Variants in ITGAE observed in about 807,000 individuals in gnomAD.
The protein encoded by ITGAE is integrin alpha-E.
In ITGAE, 99 loss-of-function variants were observed where a neutral mutation model predicts 136.5. The observed-to-expected ratio is 0.73, with a 90% CI of 0.62 to 0.86. ITGAE has a LOEUF of 0.86. ITGAE is among the 40% of genes least tolerant of loss of function. The pLI is 0.00. For synonymous variants in ITGAE, 613 were observed against 591.8 expected (o/e 1.04, Z -0.52); for missense variants, 1,447 against 1,515.3 (o/e 0.95, Z 0.75).
chr17:3,724,056 A>G, intron 26 of ITGAE: 1 of 1,597,190 alleles, frequency 6.3e-7, no homozygotes, highest in East Asian at 2.2e-5. Context: ...GCAGGACCGG[A>G]GGCGTTTCTT....
chr17:3,720,332 A>G lies in ITGAE; in HGVS notation c.3308T>C (p.Leu1103Pro), dbSNP rs1401494626. 1 of 1,582,938 alleles carries G rather than the reference A, an allele frequency of 6.3e-7. No individual in the cohort carries two copies. Among genetic ancestry groups the G allele is most frequent in the Admixed American group, 1.7e-5 (1 of 59,920 alleles). Residue 1103 changes from leucine to proline, a missense_variant, in exon 29 of 31, where the codon CTG becomes CCG. Transcript: ENST00000263087. ...CTTAGTTCTGTGGTTCTCTGCATTC[A>G]GTCCCTCATATAGAGATTTGTTGAA... Reference protein sequence around the residue: ...ISFNKSLYEGLNAENHRTKIT... With the variant: ...ISFNKSLYEGPNAENHRTKIT...
intron 29 of ITGAE, chr17:3,718,024 C>T (rs1354872825): frequency 6.6e-6 from 1 of 152,240 alleles, no homozygotes; most frequent in African/African-American, 2.4e-5. Flanking sequence ...CCACAGATTC[C>T]CAAAAGTGCC....
intron 7 of ITGAE, 104 bp from the exon 8 acceptor site, chr17:3,759,657 A>G: frequency 7.4e-7 from 1 of 1,351,168 alleles, no homozygotes; most frequent in East Asian, 2.3e-5. Flanking sequence ...CTTCTACCTT[A>G]TCCCTGGGCA....
chr17:3,723,220 A>C, intron 28 of ITGAE, 68 bp downstream of exon 28: 1 of 1,059,812 alleles, frequency 9.4e-7, no homozygotes, highest in Non-Finnish European at 1.5e-6. Flanking sequence ...AGATGCTATT[A>C]TCTCTTCTAG....
intron 30 of ITGAE, among the ~76,000 whole-genome samples, chr17:3,715,501 AG>A (rs1388472932): frequency 6.6e-6 from 1 of 152,180 alleles, no homozygotes; most frequent in Non-Finnish European, 1.5e-5. Context: ...ATTCCTGACA[AG>A]AAAAGCAGCC....
At chr17:3,722,195 AC>A (rs1219745048) in intron 28 of ITGAE, among the ~76,000 whole-genome samples, 1 of 147,544 alleles carries the variant, frequency 6.8e-6, no homozygotes, top group Admixed American at 6.8e-5. Flanking sequence ...AGAAAAGAAC[AC>A]CTAGGTCGGG....
intron 10 of ITGAE, 50 bp from the exon 11 acceptor site, chr17:3,755,947 G>C (rs779075935): frequency 6.5e-7 from 1 of 1,534,000 alleles, no homozygotes; most frequent in African/African-American, 1.4e-5. Context: ...GGTGAAGGGA[G>C]AAACTGAGTC....
At chr17:3,739,714 G>A (rs1950805641) in intron 20 of ITGAE, 91 bp downstream of exon 20, 1 of 1,042,720 alleles carries the variant, frequency 9.6e-7, no homozygotes. Flanking sequence ...AGAGGGGAAG[G>A]GGATGTGCAG....
intron 3 of ITGAE, 53 bp from the exon 4 acceptor site, chr17:3,762,035 A>T: frequency 6.6e-7 from 1 of 1,511,284 alleles, no homozygotes; most frequent in South Asian, 1.2e-5. Context: ...GGAGGCAGAG[A>T]CCCGAAGCCA....
rs1466614746 is a variant in ITGAE, at chr17:3,749,323, C to T, written c.2024+1029G>A. On this transcript the variant is annotated intron_variant, in intron 16 of 30. Coordinates refer to ENST00000263087, the MANE Select transcript of ITGAE (RefSeq NM_002208.5). ...AGGCTGGAGTGCAGTGGCGCGATCT[C>T]CGCTCACTGCAAGCTCCGCCTCCCG... Among the ~76,000 whole-genome samples the T allele has an allele frequency of 4.0e-5, 6 of 151,714 alleles. No individual in the cohort carries two copies. The East Asian group carries it at 1.2e-3, about 29-fold the overall frequency.
chr17:3,746,594 TACAGGCGCCCGCCACC>T (rs2051721119), intron 17 of ITGAE, among the ~76,000 whole-genome samples: 1 of 152,116 alleles, frequency 6.6e-6, no homozygotes, highest in South Asian at 2.1e-4. Flanking sequence ...TAGCTGGGAC[TACAGGCGCCCGCCACC>T]ACACCTGGCT....
chr17:3,715,632 G>C (rs28496695), intron 30 of ITGAE, among the ~76,000 whole-genome samples: 80,362 of 151,982 alleles, frequency 0.53, 22,137 homozygotes, highest in African/African-American at 0.64. Context: ...ATGAGAAGAT[G>C]GCTCGAGCCC....
chr17:3,744,166 C>T (rs1178560), intron 18 of ITGAE, among the ~76,000 whole-genome samples: 38,004 of 151,562 alleles, frequency 0.25, 7,636 homozygotes, highest in African/African-American at 0.55. Flanking sequence ...TATGAGCCAC[C>T]GCACCTTGCA....
intron 8 of ITGAE, 130 bp from the exon 9 acceptor site, chr17:3,757,989 G>C (rs2052071426): frequency 3.7e-6 from 4 of 1,089,904 alleles, no homozygotes; most frequent in Non-Finnish European, 5.3e-6. Flanking sequence ...CCCAGAGAAG[G>C]GGGTGATGCC....
chr17:3,741,797 C>A, intron 19 of ITGAE, among the ~76,000 whole-genome samples: 1 of 152,270 alleles, frequency 6.6e-6, no homozygotes, highest in South Asian at 2.1e-4. Flanking sequence ...CATAACCTGG[C>A]CAGGCATGGT....
intron 2 of ITGAE, among the ~76,000 whole-genome samples, chr17:3,767,931 C>T (rs538099665): frequency 7.9e-5 from 12 of 152,132 alleles, no homozygotes; most frequent in East Asian, 7.7e-4. Flanking sequence ...AGGAGGAGGC[C>T]GTGAGCCAAG....
intron 1 of ITGAE, among the ~76,000 whole-genome samples, chr17:3,800,118 A>AAAAAT (rs1276632558): frequency 2.6e-5 from 4 of 152,250 alleles, no homozygotes; most frequent in South Asian, 4.1e-4. Flanking sequence ...CTCTGTCTCA[A>AAAAAT]AAAATAAAAT....
At chr17:3,723,492 A>G in intron 27 of ITGAE, 109 bp from the exon 28 acceptor site, 4 of 995,360 alleles carry the variant, frequency 4.0e-6, no homozygotes, top group Non-Finnish European at 6.3e-6. Flanking sequence ...AGAGGGTGTG[A>G]GCAATTTCAG....
chr17:3,724,898 C>T (rs752198277), intron 26 of ITGAE: 6 of 1,613,500 alleles, frequency 3.7e-6, no homozygotes, highest in South Asian at 1.1e-5. Flanking sequence ...TTCCCAAGGG[C>T]CGCATTGTGC....
Sources: gnomAD v4.1 joint callset for allele counts (sites outside exome capture counted in the v4.1 genomes callset) on GRCh38, gnomAD v4.1.1 for gene constraint, MANE v1.5 for transcripts, NCBI Gene and HGNC (gene_info 2026-07-23, HGNC 2026-07-21) for gene names.